The following GLMN variants were observed in gnomAD, a reference collection of about 807,000 sequenced individuals.
GLMN encodes the protein glomulin.
Under a neutral mutation model 87.8 loss-of-function variants are expected in GLMN, and 75 were observed. That is an observed-to-expected ratio of 0.85 (90% CI 0.71 to 1.04). The LOEUF (loss-of-function observed/expected upper bound fraction) is 1.04, where lower values mean the gene tolerates loss of function less well. Among genes scored for constraint, GLMN ranks in the 50% least tolerant of loss-of-function variants. The probability of loss-of-function intolerance (pLI) is 0.00; values close to 1 mark genes in which losing one functional copy is unlikely to be tolerated. For synonymous variants in GLMN, 206 were observed against 221.6 expected (o/e 0.93, Z 0.63); for missense variants, 588 against 658.8 (o/e 0.89, Z 1.18).
chr1:92,285,475 G>A (rs1648633623), intron 7 of GLMN, among the ~76,000 whole-genome samples: 1 of 152,112 alleles, frequency 6.6e-6, no homozygotes, highest in Non-Finnish European at 1.5e-5. Flanking sequence ...GGCGTGGGGG[G>A]CTGGGGGAGG....
the GLMN span, among the ~76,000 whole-genome samples, chr1:92,314,968 C>G: frequency 6.6e-6 from 1 of 152,016 alleles, no homozygotes; most frequent in Non-Finnish European, 1.5e-5. Flanking sequence ...TCTCTTGAAC[C>G]CGAGAGGCAG....
the GLMN span, among the ~76,000 whole-genome samples, chr1:92,326,229 T>C: frequency 6.6e-6 from 1 of 152,194 alleles, no homozygotes; most frequent in Non-Finnish European, 1.5e-5. Context: ...TATTGGTTTA[T>C]GATTATAATA....
chr1:92,281,382 A>T (rs996356953), intron 7 of GLMN, among the ~76,000 whole-genome samples: 2 of 152,212 alleles, frequency 1.3e-5, no homozygotes, highest in African/African-American at 4.8e-5. Context: ...TGCATAAGTG[A>T]AGGAGAAATA....
chr1:92,284,423 G>A (rs1334925136), intron 7 of GLMN, among the ~76,000 whole-genome samples: 2 of 152,156 alleles, frequency 1.3e-5, no homozygotes, highest in African/African-American at 2.4e-5. Context: ...GCCATATGTA[G>A]AAAGCTGAAA....
At chr1:92,335,060 G>C in the GLMN span, among the ~76,000 whole-genome samples, 8 of 152,246 alleles carry the variant, frequency 5.3e-5, 1 homozygote, top group South Asian at 8.3e-4. Flanking sequence ...GTGGAGGATC[G>C]CTTGAGCACG....
At chr1:92,324,770 G>T in the GLMN span, among the ~76,000 whole-genome samples, 2 of 152,112 alleles carry the variant, frequency 1.3e-5, no homozygotes, top group Non-Finnish European at 2.9e-5. Context: ...CCATGGAATA[G>T]ACTTGGTAGT....
intron 13 of GLMN, among the ~76,000 whole-genome samples, chr1:92,265,747 C>T (rs1254963988): frequency 6.6e-6 from 1 of 151,968 alleles, no homozygotes; most frequent in African/African-American, 2.4e-5. Flanking sequence ...CTGCACCCGC[C>T]AAAAAAGAAC....
chr1:92,370,332 A>G, the GLMN span, among the ~76,000 whole-genome samples: 2 of 152,218 alleles, frequency 1.3e-5, no homozygotes, highest in Non-Finnish European at 2.9e-5. Context: ...AAAGAACACC[A>G]CTGCAAACAC....
At chr1:92,297,363 T>C (rs1397662775) in intron 3 of GLMN, 41 bp downstream of exon 3, 1 of 1,607,274 alleles carries the variant, frequency 6.2e-7, no homozygotes, top group South Asian at 1.1e-5. Context: ...GTGATTATTC[T>C]CTTCCCAAGA....
the GLMN span, among the ~76,000 whole-genome samples, chr1:92,322,675 G>A: frequency 6.6e-6 from 1 of 151,964 alleles, no homozygotes; most frequent in Admixed American, 6.6e-5. Flanking sequence ...AAGAATTTGT[G>A]ACCAGCCTGG....
chr1:92,308,437 C>G, the GLMN span, among the ~76,000 whole-genome samples: 1 of 152,152 alleles, frequency 6.6e-6, no homozygotes, highest in Non-Finnish European at 1.5e-5. Flanking sequence ...CTGCCCAGTA[C>G]TTCCCCAGTC....
the GLMN span, among the ~76,000 whole-genome samples, chr1:92,339,824 C>T: frequency 1.1e-4 from 17 of 152,168 alleles, no homozygotes; most frequent in Non-Finnish European, 2.5e-4. Context: ...ACTATTATGA[C>T]TTTTTTCTGT....
chr1:92,261,309 A>AAAAT (rs1181775080), intron 16 of GLMN, among the ~76,000 whole-genome samples: 3 of 152,326 alleles, frequency 2.0e-5, no homozygotes, highest in African/African-American at 7.2e-5. Context: ...TGAAAAGTGA[A>AAAAT]AAATAAAGAG....
chr1:92,336,151 T>C, the GLMN span, among the ~76,000 whole-genome samples: 1 of 152,160 alleles, frequency 6.6e-6, no homozygotes, highest in Non-Finnish European at 1.5e-5. Flanking sequence ...AGTAACAGAC[T>C]ACAAAGTGGA....
At chr1:92,301,587 G>A (rs775246472), upstream of GLMN, 2 of 1,302,534 alleles carry the variant, frequency 1.5e-6, no homozygotes, top group East Asian at 2.6e-5. Context: ...TCCTAATGGA[G>A]TGTGTATGTG....
intron 18 of GLMN, 118 bp downstream of exon 18, chr1:92,246,944 G>A (rs1367321543): frequency 2.7e-6 from 2 of 752,006 alleles, no homozygotes; most frequent in Non-Finnish European, 4.8e-6. Context: ...GATCACTTGA[G>A]CCCAGGGAGT....
the GLMN span, chr1:92,336,360 C>G: frequency 6.2e-7 from 1 of 1,607,310 alleles, no homozygotes; most frequent in East Asian, 2.2e-5. Flanking sequence ...GCCTGGGCTT[C>G]TGGTTCCTCT....
chr1:92,270,913 GGT>G (rs1656173236), intron 8 of GLMN, among the ~76,000 whole-genome samples: 1 of 152,172 alleles, frequency 6.6e-6, no homozygotes, highest in African/African-American at 2.4e-5. Flanking sequence ...CAAGAGGAAA[GGT>G]GGTAGGAGAT....
At chr1:92,324,696 T>C in the GLMN span, among the ~76,000 whole-genome samples, 1 of 152,240 alleles carries the variant, frequency 6.6e-6, no homozygotes, top group Non-Finnish European at 1.5e-5. Context: ...TTGCTTTTTC[T>C]TCTTCGGTAT....
Sources: allele counts gnomAD v4.1 joint callset (sites outside exome capture counted in the v4.1 genomes callset), GRCh38; gene constraint gnomAD v4.1.1; transcripts MANE v1.5; gene names NCBI Gene and HGNC (gene_info 2026-07-23, HGNC 2026-07-21).